Variants in CNTN3 observed in about 807,000 individuals in gnomAD.
CNTN3 encodes contactin-3.
In CNTN3, 60 loss-of-function variants were observed where a neutral mutation model predicts 119.1. That is an observed-to-expected ratio of 0.50 (90% CI 0.41 to 0.62). The LOEUF (loss-of-function observed/expected upper bound fraction) is 0.62. Ranked by LOEUF, CNTN3 falls within the 20% of genes least tolerant of loss-of-function variation. The pLI, the probability that CNTN3 is intolerant of heterozygous loss-of-function variation, is 0.00. For synonymous variants in CNTN3, 450 were observed against 438.7 expected, an observed-to-expected ratio of 1.03 and a Z score of -0.32; for missense variants, 1,101 against 1,242.4, an observed-to-expected ratio of 0.89 and a Z score of 1.71.
intron 5 of CNTN3, among the ~76,000 whole-genome samples, chr3:74,372,509 G>A (rs1704367192): frequency 6.6e-6 from 1 of 151,672 alleles, no homozygotes; most frequent in South Asian, 2.1e-4. Flanking sequence ...TTGGCTTCCT[G>A]CTTTCCTGAG....
At chr3:74,278,137 C>T (rs1701918066) in intron 20 of CNTN3, among the ~76,000 whole-genome samples, 1 of 151,844 alleles carries the variant, frequency 6.6e-6, no homozygotes, top group African/African-American at 2.4e-5. Flanking sequence ...AATGGAAACA[C>T]ATCCCATGCT....
intron 13 of CNTN3, among the ~76,000 whole-genome samples, chr3:74,310,356 A>C (rs1005111193): frequency 6.6e-6 from 1 of 152,204 alleles, no homozygotes; most frequent in African/African-American, 2.4e-5. Flanking sequence ...AGTGGATTAG[A>C]AAATTATCAT....
intron 20 of CNTN3, among the ~76,000 whole-genome samples, chr3:74,282,541 C>A (rs1383978906): frequency 2.6e-5 from 4 of 152,112 alleles, no homozygotes; most frequent in African/African-American, 4.8e-5. Context: ...GTAAATAAGA[C>A]ACAGAAGGAC....
In CNTN3 at chr3:74,580,338, G is replaced by A. The variant is rs79129437; in HGVS notation, c.-81+34053C>T. Among the ~76,000 whole-genome samples, 1,148 of 152,118 alleles carry A rather than the reference G, an allele frequency of 7.5e-3. 16 individuals are homozygous for A. Among genetic ancestry groups the A allele is most frequent in the African/African-American group, 0.025 (1,056 of 41,494 alleles). ...GAAAATATCAATCTTACAAAATCTCGTTCAAAACATAGAGGAAGAAGGAAC... is the reference window on the plus strand; with the variant it reads ...GAAAATATCAATCTTACAAAATCTCATTCAAAACATAGAGGAAGAAGGAAC... On this transcript the variant is annotated intron_variant, in intron 1 of 22. Coordinates refer to ENST00000263665, the MANE Select transcript of CNTN3 (RefSeq NM_020872.3).
At chr3:74,500,568 GA>G in intron 2 of CNTN3, among the ~76,000 whole-genome samples, 1 of 147,448 alleles carries the variant, frequency 6.8e-6, no homozygotes, top group Non-Finnish European at 1.5e-5. Context: ...CAAAATTACA[GA>G]GGAGTTTCTA....
At chr3:74,388,030 T>C (rs946161844) in intron 5 of CNTN3, among the ~76,000 whole-genome samples, 1 of 152,196 alleles carries the variant, frequency 6.6e-6, no homozygotes, top group African/African-American at 2.4e-5. Context: ...AGGTGGATGG[T>C]GGACCCATAG....
chr3:74,493,416 A>C (rs2107062868), intron 3 of CNTN3, among the ~76,000 whole-genome samples: 1 of 152,294 alleles, frequency 6.6e-6, no homozygotes, highest in East Asian at 1.9e-4. Flanking sequence ...ACTCTGTCAC[A>C]CAAGATCTGG....
intron 1 of CNTN3, among the ~76,000 whole-genome samples, chr3:74,575,178 G>A (rs1424139428): frequency 6.6e-6 from 1 of 151,980 alleles, no homozygotes; most frequent in Non-Finnish European, 1.5e-5. Flanking sequence ...TCTCACCTCA[G>A]TCTCCCAAAG....
chr3:74,373,993 T>C (rs1037983328), intron 5 of CNTN3, among the ~76,000 whole-genome samples: 2 of 152,126 alleles, frequency 1.3e-5, no homozygotes, highest in African/African-American at 4.8e-5. Context: ...TGATGGCCTC[T>C]ACCTGCTACC....
chr3:74,405,731 C>G (rs1474763552), intron 5 of CNTN3, among the ~76,000 whole-genome samples: 1 of 151,898 alleles, frequency 6.6e-6, no homozygotes, highest in East Asian at 1.9e-4. Flanking sequence ...CGACACATAC[C>G]TTTTTAAACA....
intron 9 of CNTN3, among the ~76,000 whole-genome samples, chr3:74,365,085 A>G (rs1024305584): frequency 3.3e-5 from 5 of 152,124 alleles, no homozygotes; most frequent in African/African-American, 9.7e-5. Context: ...AGGTATGGAA[A>G]CTGAAAGAAC....
chr3:74,423,480 G>A (rs1220512175), intron 5 of CNTN3, among the ~76,000 whole-genome samples: 1 of 152,150 alleles, frequency 6.6e-6, no homozygotes, highest in Non-Finnish European at 1.5e-5. Flanking sequence ...AGGAGTGAGA[G>A]CTGGAGGCCA....
At position 74,486,636 on chromosome 3, in the gene CNTN3, A is replaced by G; in HGVS notation, c.183-5T>C. On this transcript the variant is annotated splice_region_variant and splice_polypyrimidine_tract_variant and intron_variant, in intron 3 of 22. Transcript: ENST00000263665. ...TCACTTCCATTCAGCTGCCATCTGT[A>G]AAACAAATATCAAGGTTCCCCCCCC... The G allele has an allele frequency of 1.3e-6, 2 of 1,524,674 alleles. No individual in the cohort carries two copies. Among genetic ancestry groups the G allele is most frequent in the Non-Finnish European group, 1.8e-6 (2 of 1,142,762 alleles). 94.4% of individuals were successfully genotyped at this position (1,524,674 alleles called of 1,614,324 possible). A position where few individuals can be genotyped will look rare whatever the true frequency, so the allele number is the denominator to read the frequency against.
chr3:74,555,459 T>G (rs1040633612), intron 1 of CNTN3, among the ~76,000 whole-genome samples: 1 of 152,218 alleles, frequency 6.6e-6, no homozygotes, highest in Non-Finnish European at 1.5e-5. Flanking sequence ...CCTCTTTTTC[T>G]GTCATTTGGA....
At chr3:74,482,451 T>C (rs1702779185) in intron 4 of CNTN3, among the ~76,000 whole-genome samples, 1 of 152,172 alleles carries the variant, frequency 6.6e-6, no homozygotes, top group African/African-American at 2.4e-5. Flanking sequence ...AAAGGGAATC[T>C]ATAAAATCCA....
At chr3:74,278,762 C>T (rs1701934121) in intron 20 of CNTN3, among the ~76,000 whole-genome samples, 1 of 152,056 alleles carries the variant, frequency 6.6e-6, no homozygotes, top group African/African-American at 2.4e-5. Flanking sequence ...ACAGCTGGAA[C>T]TTAATTAAAC....
chr3:74,308,186 G>A (rs115866507), intron 13 of CNTN3, among the ~76,000 whole-genome samples: 2,353 of 152,242 alleles, frequency 0.015, 19 homozygotes, highest in Middle Eastern at 0.02. Context: ...ATGCCAAATG[G>A]CTGCATCAAG....
chr3:74,478,994 T>G (rs1702710918), intron 4 of CNTN3, among the ~76,000 whole-genome samples: 1 of 151,976 alleles, frequency 6.6e-6, no homozygotes, highest in Admixed American at 6.6e-5. Flanking sequence ...TATTAAAAAC[T>G]CAATAGAAGT....
chr3:74,368,190 G>A (rs181078971), intron 8 of CNTN3, among the ~76,000 whole-genome samples: 58 of 152,154 alleles, frequency 3.8e-4, no homozygotes, highest in African/African-American at 1.2e-3. Flanking sequence ...AGTGTTAATC[G>A]TGCCAGAAGT....
Sources: allele counts gnomAD v4.1 joint callset (sites outside exome capture counted in the v4.1 genomes callset), GRCh38; gene constraint gnomAD v4.1.1; transcripts MANE v1.5; gene names NCBI Gene and HGNC (gene_info 2026-07-23, HGNC 2026-07-21).